Variants in DPH6 observed in about 807,000 individuals in gnomAD.
DPH6 encodes the protein diphthamine biosynthesis 6.
DPH6 carries 33 observed loss-of-function variants against 38.2 expected under a neutral mutation model. The ratio of observed to expected loss-of-function variants is 0.86; its 90% CI spans 0.65 to 1.15. DPH6 has a LOEUF of 1.15. Ranked by LOEUF, DPH6 falls within the 50% of genes most tolerant of loss-of-function variation. The probability of loss-of-function intolerance (pLI) is 0.00; values close to 1 mark genes in which losing one functional copy is unlikely to be tolerated. For synonymous variants in DPH6, 108 were observed against 103.0 expected (o/e 1.05, Z -0.30); for missense variants, 325 against 320.0 (o/e 1.02, Z -0.12).
chr15:35,182,220 ATTTTTTTTTTTTTT>A, the DPH6 span, among the ~76,000 whole-genome samples: 27 of 86,044 alleles, frequency 3.1e-4, 1 homozygote, highest in African/African-American at 4.7e-4. Flanking sequence ...AACTCTAAGA[ATTTTTTTTTTTTTT>A]TTTTTTTTTT....
At chr15:35,145,877 T>G in the DPH6 span, among the ~76,000 whole-genome samples, 1 of 152,222 alleles carries the variant, frequency 6.6e-6, no homozygotes, top group Non-Finnish European at 1.5e-5. Context: ...AAAATGCTTC[T>G]CTTAAATAGC....
intron 3 of DPH6, among the ~76,000 whole-genome samples, chr15:35,262,403 A>AT (rs1287069757): frequency 3.3e-5 from 5 of 152,000 alleles, no homozygotes; most frequent in Admixed American, 6.6e-5. Flanking sequence ...TTTCTAAGTG[A>AT]TTTTTTTTAA....
At chr15:35,537,899 G>A (rs750786669) in intron 3 of DPH6, among the ~76,000 whole-genome samples, 6 of 151,900 alleles carry the variant, frequency 3.9e-5, no homozygotes, top group Non-Finnish European at 7.4e-5. Context: ...TAACGTATGC[G>A]TCCACCATTC....
chr15:35,167,179 T>C, the DPH6 span, among the ~76,000 whole-genome samples: 5 of 151,844 alleles, frequency 3.3e-5, no homozygotes, highest in Admixed American at 6.6e-5. Context: ...TGATAAAGAG[T>C]GAAAACACAA....
At chr15:35,220,644 C>T (rs925220611) in intron 3 of DPH6, 1 of 152,062 alleles carries the variant, frequency 6.6e-6, no homozygotes, top group Non-Finnish European at 1.5e-5. Flanking sequence ...GCCACTTCTG[C>T]AATAATAGCA....
the DPH6 span, among the ~76,000 whole-genome samples, chr15:35,193,085 T>C: frequency 6.6e-6 from 1 of 152,198 alleles, no homozygotes; most frequent in Non-Finnish European, 1.5e-5. Context: ...AAATTCTTAT[T>C]TTCCATCTCA....
intron 3 of DPH6, among the ~76,000 whole-genome samples, chr15:35,300,921 C>T (rs2052050479): frequency 6.6e-6 from 1 of 152,138 alleles, no homozygotes; most frequent in Non-Finnish European, 1.5e-5. Context: ...GACAATTCAG[C>T]AATGTATTCT....
At chr15:35,473,017 T>C (rs1018554332) in intron 3 of DPH6, among the ~76,000 whole-genome samples, 3 of 152,180 alleles carry the variant, frequency 2.0e-5, no homozygotes, top group Admixed American at 6.5e-5. Context: ...AAAGTTTCTT[T>C]TGATTCTCTT....
chr15:35,335,016 C>T (rs2052358104), intron 3 of DPH6, among the ~76,000 whole-genome samples: 1 of 152,200 alleles, frequency 6.6e-6, no homozygotes, highest in Non-Finnish European at 1.5e-5. Context: ...TACACTCTCA[C>T]CAACAGTGTA....
the DPH6 span, among the ~76,000 whole-genome samples, chr15:35,207,952 T>C: frequency 1.9e-4 from 29 of 152,166 alleles, 1 homozygote; most frequent in Non-Finnish European, 4.3e-4. Flanking sequence ...GCCTAGAAAT[T>C]ACCTTTATTT....
chr15:35,301,386 A>C (rs1172891624), intron 3 of DPH6, among the ~76,000 whole-genome samples: 1 of 152,254 alleles, frequency 6.6e-6, no homozygotes, highest in Non-Finnish European at 1.5e-5. Context: ...TTATTTAGCT[A>C]AGTCAGGTGG....
intron 6 of DPH6, among the ~76,000 whole-genome samples, chr15:35,404,881 C>A (rs1005040747): frequency 6.6e-6 from 1 of 152,038 alleles, no homozygotes; most frequent in Non-Finnish European, 1.5e-5. Flanking sequence ...GTCTTTAATC[C>A]ATTTTGATTT....
chr15:35,456,696 C>T (rs2054002008), intron 3 of DPH6, among the ~76,000 whole-genome samples: 2 of 151,886 alleles, frequency 1.3e-5, no homozygotes, highest in African/African-American at 4.8e-5. Flanking sequence ...CCATATTGGC[C>T]AGGCTGGTCT....
chr15:35,496,678 T>C (rs1354123398), intron 3 of DPH6, among the ~76,000 whole-genome samples: 3 of 146,930 alleles, frequency 2.0e-5, no homozygotes, highest in Non-Finnish European at 4.5e-5. Flanking sequence ...AGAAAAAATA[T>C]GAAAATGGTC....
intron 6 of DPH6, among the ~76,000 whole-genome samples, chr15:35,382,810 G>C (rs1171647486): frequency 6.6e-6 from 1 of 151,220 alleles, no homozygotes; most frequent in East Asian, 1.9e-4. Context: ...AGAAAGGTTG[G>C]GTAACTTACA....
intron 3 of DPH6, among the ~76,000 whole-genome samples, chr15:35,295,135 G>A (rs1413919010): frequency 6.6e-6 from 1 of 152,010 alleles, no homozygotes; most frequent in African/African-American, 2.4e-5. Context: ...GGCTAATATG[G>A]GCCACTACCC....
At chr15:35,543,793 A>T (rs1038207100) in intron 1 of DPH6, among the ~76,000 whole-genome samples, 3 of 152,196 alleles carry the variant, frequency 2.0e-5, no homozygotes, top group African/African-American at 7.2e-5. Context: ...CGGTATCCCC[A>T]TAAGTAGGTC....
At chr15:35,169,422 T>A in the DPH6 span, among the ~76,000 whole-genome samples, 1 of 152,172 alleles carries the variant, frequency 6.6e-6, no homozygotes, top group African/African-American at 2.4e-5. Flanking sequence ...AGATTTATGC[T>A]AATTAGGCAC....
chr15:35,467,857 C>T (rs1040371615), intron 3 of DPH6, among the ~76,000 whole-genome samples: 1 of 152,102 alleles, frequency 6.6e-6, no homozygotes, highest in African/African-American at 2.4e-5. Context: ...TTTGTTTACA[C>T]CAGTATCACC....
Sources: gnomAD v4.1 joint callset for allele counts (sites outside exome capture counted in the v4.1 genomes callset) on GRCh38, gnomAD v4.1.1 for gene constraint, MANE v1.5 for transcripts, NCBI Gene and HGNC (gene_info 2026-07-23, HGNC 2026-07-21) for gene names.